The following VEPH1 variants were observed in gnomAD, a reference collection of about 807,000 sequenced individuals.
VEPH1 encodes ventricular zone-expressed PH domain-containing protein homolog 1.
VEPH1 carries 80 observed loss-of-function variants against 85.2 expected under a neutral mutation model. The observed-to-expected ratio is 0.94, with a 90% CI of 0.78 to 1.13. The LOEUF (loss-of-function observed/expected upper bound fraction) is 1.13, where lower values mean the gene tolerates loss of function less well. Ranked by LOEUF, VEPH1 falls within the 50% of genes most tolerant of loss-of-function variation. The probability of loss-of-function intolerance (pLI) is 0.00; values close to 1 mark genes in which losing one functional copy is unlikely to be tolerated. For missense variants in VEPH1, 955 were observed against 980.5 expected (o/e 0.97, Z 0.35); for synonymous variants, 297 against 348.0 (o/e 0.85, Z 1.63).
At chr3:157,347,009 G>C (rs1000898078) in intron 9 of VEPH1, among the ~76,000 whole-genome samples, 1 of 152,076 alleles carries the variant, frequency 6.6e-6, no homozygotes. Flanking sequence ...ATAGTCCAGG[G>C]AATGCAAAGT....
rs563657346 is a variant in VEPH1, at chr3:157,393,109, A to G, written c.907-11733T>C. Among the ~76,000 whole-genome samples, 7 of 152,294 alleles carry G rather than the reference A, an allele frequency of 4.6e-5. No individual in the cohort carries two copies. The East Asian group carries it at 1.4e-3, about 29-fold the overall frequency. ...AGACATTGTTGTACCTATATGCACTACCTGGATCTGGGCAGTTATCTTTGC... is the reference window on the plus strand; with the variant it reads ...AGACATTGTTGTACCTATATGCACTGCCTGGATCTGGGCAGTTATCTTTGC... On this transcript the variant is annotated intron_variant, in intron 6 of 13. Transcript: ENST00000362010.
At chr3:157,291,596 G>A (rs1334382510) in intron 11 of VEPH1, among the ~76,000 whole-genome samples, 1 of 152,208 alleles carries the variant, frequency 6.6e-6, no homozygotes, top group Non-Finnish European at 1.5e-5. Context: ...AATTCATTGT[G>A]TCTGCAGTAT....
chr3:157,292,898 G>A (rs990918319), intron 11 of VEPH1, among the ~76,000 whole-genome samples: 30 of 149,060 alleles, frequency 2.0e-4, no homozygotes, highest in African/African-American at 1.2e-4. Context: ...CAGGAGAATC[G>A]CTTGAGCCCA....
At chr3:157,496,274 A>G (rs1739658432) in intron 1 of VEPH1, among the ~76,000 whole-genome samples, 1 of 152,232 alleles carries the variant, frequency 6.6e-6, no homozygotes. Flanking sequence ...TTAACAGTCT[A>G]CAGAGAGGAG....
intron 4 of VEPH1, among the ~76,000 whole-genome samples, chr3:157,457,039 C>T (rs994753199): frequency 6.6e-6 from 1 of 152,206 alleles, no homozygotes; most frequent in Non-Finnish European, 1.5e-5. Context: ...TGTGTCATCT[C>T]TGACTTCTTT....
In VEPH1 at chr3:157,363,449, G is replaced by A. The variant is rs546228909; in HGVS notation, c.1650C>T (p.His550=). The A allele has an allele frequency of 1.2e-6, 2 of 1,613,318 alleles. No homozygotes were observed. Among genetic ancestry groups the A allele is most frequent in the East Asian group, 4.5e-5 (2 of 44,856 alleles). The change falls in exon 9 of 14, where the codon CAC becomes CAT. Residue 550 remains histidine (H), a synonymous_variant. Coordinates refer to ENST00000362010, the MANE Select transcript of VEPH1 (RefSeq NM_001167912.2). ...TCACTTTGCTGAGGTTTTTTTTTAA[G>A]TGCAAGTAGAGCTTATCTTGGTATT... ...PIEYQDKLYL[H]LKKNLSKVKA... is the part of the protein sequence containing the mutation.
chr3:157,304,911 T>C (rs1719288045), intron 11 of VEPH1, among the ~76,000 whole-genome samples: 1 of 152,096 alleles, frequency 6.6e-6, no homozygotes, highest in African/African-American at 2.4e-5. Flanking sequence ...AATATGGTAT[T>C]TACTGTAAGT....
At chr3:157,405,429 AAT>A (rs1731075091) in intron 6 of VEPH1, among the ~76,000 whole-genome samples, 1 of 152,170 alleles carries the variant, frequency 6.6e-6, no homozygotes. Flanking sequence ...TATGAAGGGA[AAT>A]AAAGTACTGT....
chr3:157,379,952 A>G (rs939139083), intron 7 of VEPH1, among the ~76,000 whole-genome samples: 5 of 152,210 alleles, frequency 3.3e-5, no homozygotes, highest in Admixed American at 2.6e-4. Flanking sequence ...ATCAAATGAG[A>G]TTACATACAT....
intron 7 of VEPH1, among the ~76,000 whole-genome samples, chr3:157,380,753 A>G (rs1182164674): frequency 2.0e-5 from 3 of 152,280 alleles, no homozygotes; most frequent in African/African-American, 7.2e-5. Flanking sequence ...TATTTATCTC[A>G]TACTAGTCAG....
intron 7 of VEPH1, among the ~76,000 whole-genome samples, chr3:157,378,337 TATATATATATATATATATATAG>T (rs2108849797): frequency 1.7e-5 from 1 of 58,524 alleles, no homozygotes; most frequent in Non-Finnish European, 4.0e-5. Context: ...TATATATATA[TATATATATATATATATATATAG>T]TAGTGATTCT....
intron 4 of VEPH1, among the ~76,000 whole-genome samples, chr3:157,430,002 A>C (rs1733025044): frequency 6.6e-6 from 1 of 152,226 alleles, no homozygotes; most frequent in South Asian, 2.1e-4. Context: ...CAAATGCAGA[A>C]CTTTTGCAGA....
At chr3:157,402,818 T>TA (rs1372734388) in intron 6 of VEPH1, among the ~76,000 whole-genome samples, 3 of 152,206 alleles carry the variant, frequency 2.0e-5, no homozygotes, top group African/African-American at 7.2e-5. Context: ...TGTAATTTCT[T>TA]ACATGTTATC....
At chr3:157,381,398 A>T (rs1728754298) in intron 6 of VEPH1, 22 bp from the exon 7 acceptor site, 1 of 1,612,194 alleles carries the variant, frequency 6.2e-7, no homozygotes, top group South Asian at 1.1e-5. Flanking sequence ...AATGAAGAAA[A>T]TAGGTTTATC....
intron 9 of VEPH1, among the ~76,000 whole-genome samples, chr3:157,318,627 AAAAAAAAAG>A (rs1479099113): frequency 1.1e-5 from 1 of 91,598 alleles, no homozygotes; most frequent in African/African-American, 4.2e-5. Flanking sequence ...AACAAAACAA[AAAAAAAAAG>A]AAAGAAAGAA....
chr3:157,492,206 G>A (rs926544661), intron 2 of VEPH1, among the ~76,000 whole-genome samples: 4 of 152,170 alleles, frequency 2.6e-5, no homozygotes, highest in Non-Finnish European at 5.9e-5. Context: ...TGATTGTCAT[G>A]GAGGAGGAAG....
At chr3:157,350,405 T>C (rs1160031973) in intron 9 of VEPH1, among the ~76,000 whole-genome samples, 1 of 152,120 alleles carries the variant, frequency 6.6e-6, no homozygotes, top group African/African-American at 2.4e-5. Flanking sequence ...AACTGGAAAC[T>C]ATACAACTAC....
At chr3:157,451,203 A>C (rs1734941418) in intron 4 of VEPH1, among the ~76,000 whole-genome samples, 1 of 152,186 alleles carries the variant, frequency 6.6e-6, no homozygotes, top group East Asian at 1.9e-4. Context: ...TGTAAAACTA[A>C]ATTGGTATGT....
chr3:157,453,687 G>A (rs556501913), intron 4 of VEPH1, among the ~76,000 whole-genome samples: 1 of 152,312 alleles, frequency 6.6e-6, no homozygotes, highest in Non-Finnish European at 1.5e-5. Flanking sequence ...TCCTCAGGCT[G>A]TCTGGTAGGG....
Sources: gnomAD v4.1 joint callset for allele counts (sites outside exome capture counted in the v4.1 genomes callset) on GRCh38, gnomAD v4.1.1 for gene constraint, MANE v1.5 for transcripts, NCBI Gene and HGNC (gene_info 2026-07-23, HGNC 2026-07-21) for gene names.